SLC4A10: variants seen among roughly 807,000 people sequenced by gnomAD.
The protein encoded by SLC4A10 is sodium-driven chloride bicarbonate exchanger.
SLC4A10 carries 42 observed loss-of-function variants against 137.7 expected under a neutral mutation model. The ratio of observed to expected loss-of-function variants is 0.30; its 90% CI spans 0.24 to 0.39. SLC4A10 has a LOEUF of 0.39. Ranked by LOEUF, SLC4A10 falls within the 10% of genes least tolerant of loss-of-function variation. The probability of loss-of-function intolerance (pLI) is 1.00; values close to 1 mark genes in which losing one functional copy is unlikely to be tolerated. For missense variants in SLC4A10, 925 were observed against 1,355.0 expected (o/e 0.68, Z 4.98); for synonymous variants, 474 against 464.1 (o/e 1.02, Z -0.27).
intron 22 of SLC4A10, among the ~76,000 whole-genome samples, chr2:161,964,547 G>A (rs1697255828): frequency 6.6e-6 from 1 of 152,114 alleles, no homozygotes; most frequent in Non-Finnish European, 1.5e-5. Context: ...ATTAATTGAA[G>A]CTGGATGGAA....
At chr2:161,752,750 C>T (rs973650002) in intron 1 of SLC4A10, among the ~76,000 whole-genome samples, 26 of 152,094 alleles carry the variant, frequency 1.7e-4, no homozygotes, top group African/African-American at 5.8e-4. Flanking sequence ...CACCTATATG[C>T]GGAATCTAAA....
At chr2:161,952,070 GA>G (rs1209013378) in intron 19 of SLC4A10, among the ~76,000 whole-genome samples, 2 of 152,108 alleles carry the variant, frequency 1.3e-5, no homozygotes, top group African/African-American at 4.8e-5. Context: ...CTTTCAAAAA[GA>G]TTTTTTTAGC....
chr2:161,874,692 A>G (rs1472981042), intron 8 of SLC4A10, among the ~76,000 whole-genome samples: 1 of 152,206 alleles, frequency 6.6e-6, no homozygotes, highest in Non-Finnish European at 1.5e-5. Context: ...CACACTGGAA[A>G]GTCTCTTGTT....
intron 1 of SLC4A10, among the ~76,000 whole-genome samples, chr2:161,724,611 G>A (rs1206185075): frequency 6.6e-6 from 1 of 152,196 alleles, no homozygotes; most frequent in Non-Finnish European, 1.5e-5. Context: ...CTCTGAAGTA[G>A]TGATTTTTAA....
At position 161,908,461 on chromosome 2, in the gene SLC4A10, A is replaced by G. The variant is rs546564804; in HGVS notation, c.1997+2574A>G. ...TGGGGTGGGGGGAGGGGGGAGGGAT[A>G]GCATTAGGAGATATACCTAATGCTA... On this transcript the variant is annotated intron_variant, in intron 15 of 26. Coordinates refer to ENST00000446997, the MANE Select transcript of SLC4A10 (RefSeq NM_001178015.2). Among the ~76,000 whole-genome samples the G allele has an allele frequency of 3.5e-3, 516 of 148,070 alleles. 3 individuals are homozygous for G. The highest frequency in any genetic ancestry group is 0.012 in the African/African-American group (492 of 40,210).
chr2:161,702,870 T>C (rs2043268265), intron 1 of SLC4A10, among the ~76,000 whole-genome samples: 1 of 151,870 alleles, frequency 6.6e-6, no homozygotes. Flanking sequence ...TTATTTATCC[T>C]AAGTTTTTGT....
intron 1 of SLC4A10, among the ~76,000 whole-genome samples, 191 bp downstream of exon 1, chr2:161,624,757 C>G (rs528343172): frequency 1.3e-5 from 2 of 151,960 alleles, no homozygotes; most frequent in Admixed American, 6.6e-5. Context: ...TCTCCTCCCC[C>G]CCCCTTCTCA....
At chr2:161,702,035 T>C (rs2043176240) in intron 1 of SLC4A10, among the ~76,000 whole-genome samples, 1 of 151,880 alleles carries the variant, frequency 6.6e-6, no homozygotes, top group African/African-American at 2.4e-5. Context: ...ACCATATGAC[T>C]CAATTCCACT....
chr2:161,735,130 GA>G, intron 1 of SLC4A10, among the ~76,000 whole-genome samples: 1 of 148,622 alleles, frequency 6.7e-6, no homozygotes, highest in Middle Eastern at 3.6e-3. Flanking sequence ...ATAGTAGTAT[GA>G]AAAAATATAT....
chr2:161,908,618 T>C (rs1044185666), intron 15 of SLC4A10, among the ~76,000 whole-genome samples: 5 of 142,548 alleles, frequency 3.5e-5, no homozygotes, highest in Non-Finnish European at 7.6e-5. Flanking sequence ...AAACAACTGG[T>C]ATTGGGTTGG....
At chr2:161,639,320 C>T (rs938047470) in intron 1 of SLC4A10, among the ~76,000 whole-genome samples, 1 of 151,946 alleles carries the variant, frequency 6.6e-6, no homozygotes, top group African/African-American at 2.4e-5. Context: ...AAGGACACAA[C>T]AAAATAAGAA....
chr2:161,878,593 A>G (rs2061572130), intron 8 of SLC4A10, among the ~76,000 whole-genome samples: 1 of 152,086 alleles, frequency 6.6e-6, no homozygotes, highest in South Asian at 2.1e-4. Flanking sequence ...ATGAAAAACC[A>G]ATATTGAAGA....
intron 1 of SLC4A10, among the ~76,000 whole-genome samples, chr2:161,759,534 A>C (rs1408814662): frequency 8.6e-5 from 13 of 151,860 alleles, no homozygotes; most frequent in Non-Finnish European, 1.3e-4. Flanking sequence ...TGCTTATATG[A>C]TTTTGACTTT....
intron 1 of SLC4A10, among the ~76,000 whole-genome samples, chr2:161,734,366 C>CT (rs1306451022): frequency 6.6e-6 from 1 of 152,176 alleles, no homozygotes; most frequent in African/African-American, 2.4e-5. Context: ...CTCATGAGAT[C>CT]TGATGGTTTT....
intron 4 of SLC4A10, among the ~76,000 whole-genome samples, chr2:161,841,940 A>G (rs1243063264): frequency 1.3e-5 from 2 of 152,214 alleles, no homozygotes; most frequent in African/African-American, 2.4e-5. Flanking sequence ...TAGGGATTAT[A>G]TAATATACAG....
At chr2:161,910,475 G>A (rs1685564726) in intron 15 of SLC4A10, among the ~76,000 whole-genome samples, 1 of 152,076 alleles carries the variant, frequency 6.6e-6, no homozygotes, top group Non-Finnish European at 1.5e-5. Flanking sequence ...AAAATAGAAT[G>A]AAATGTTTTG....
intron 14 of SLC4A10, among the ~76,000 whole-genome samples, chr2:161,905,217 G>A (rs1437785194): frequency 1.3e-5 from 2 of 152,168 alleles, no homozygotes; most frequent in African/African-American, 2.4e-5. Context: ...CTGGTTTCAT[G>A]GAAGACAATT....
intron 1 of SLC4A10, among the ~76,000 whole-genome samples, chr2:161,749,367 T>C (rs1453343685): frequency 6.6e-6 from 1 of 152,022 alleles, no homozygotes; most frequent in Non-Finnish European, 1.5e-5. Flanking sequence ...GAAGAAAAGC[T>C]TTCAGTTTTC....
In SLC4A10 at chr2:161,976,739, T is replaced by C; in HGVS notation, c.3228-21T>C. ...TACTTATGTAATGTTTATTATTTCA[T>C]TTGGGGAAACTCCTGTCTAGAGATG... is the stretch of plus-strand genomic sequence containing the variant. On this transcript the variant is annotated intron_variant, in intron 24 of 26. Coordinates refer to ENST00000446997, the MANE Select transcript of SLC4A10 (RefSeq NM_001178015.2). 3.8e-6 allele frequency: 5 copies of C among 1,304,848 alleles called. No individual in the cohort carries two copies. In the South Asian group the frequency reaches 6.5e-5, roughly 17 times the overall value. The allele number at this position is 1,304,848 out of a possible 1,614,324, so 80.8% of individuals were successfully genotyped here. A position where few individuals can be genotyped will look rare whatever the true frequency, so the allele number is the denominator to read the frequency against.
Sources: allele counts gnomAD v4.1 joint callset (sites outside exome capture counted in the v4.1 genomes callset), GRCh38; gene constraint gnomAD v4.1.1; transcripts MANE v1.5; gene names NCBI Gene and HGNC (gene_info 2026-07-23, HGNC 2026-07-21).